The following UBE2E2 variants were observed in gnomAD, a reference collection of about 807,000 sequenced individuals.
The protein encoded by UBE2E2 is ubiquitin conjugating enzyme E2 E2.
Under a neutral mutation model 24.7 loss-of-function variants are expected in UBE2E2, and 6 were observed. The observed-to-expected ratio is 0.24, with a 90% CI of 0.13 to 0.48. The LOEUF is 0.48. Among genes scored for constraint, UBE2E2 ranks in the 20% least tolerant of loss-of-function variants. The pLI is 0.99. For missense variants in UBE2E2, 169 were observed against 245.0 expected, an observed-to-expected ratio of 0.69 and a Z score of 2.07; for synonymous variants, 104 against 83.6, an observed-to-expected ratio of 1.24 and a Z score of -1.33.
At chr3:23,314,533 T>TA (rs1215331604) in intron 3 of UBE2E2, among the ~76,000 whole-genome samples, 1 of 152,228 alleles carries the variant, frequency 6.6e-6, no homozygotes, top group Non-Finnish European at 1.5e-5. Flanking sequence ...TCTGTGTACT[T>TA]ACTATTACCA....
intron 3 of UBE2E2, among the ~76,000 whole-genome samples, chr3:23,229,493 C>T (rs1696918943): frequency 6.6e-6 from 1 of 152,046 alleles, no homozygotes. Flanking sequence ...CATTCTTATG[C>T]TTTTGAGTTG....
rs75720037 is a variant in UBE2E2 at position 23,239,353 on chromosome 3, G to A, written c.227+22041G>A. 6.6e-5 allele frequency among the ~76,000 whole-genome samples: 10 copies of A among 152,150 alleles called. No homozygotes were observed. In the East Asian group the frequency reaches 1.7e-3, roughly 26 times the overall value. On this transcript the variant is annotated intron_variant, in intron 3 of 5. Transcript: ENST00000396703. ...CAGTAGTTTCTAGTGTACTCACAAC[G>A]TTGTGCAACTGTCACTGTCATTACT...
Position 23,466,550 on chromosome 3 carries a change from GTTTTGTTTTTGT to G in UBE2E2, c.228-33041_228-33030del, listed in dbSNP as rs143269925. On this transcript the variant is annotated intron_variant, in intron 3 of 5. Transcript: ENST00000396703. ...AAAATAAGGAGTAGTCCCAGAGTCT[GTTTTGTTTTTGT>G]TTTTGTTTTTGTTTTTTGTTTTTGA... 2.5e-3 allele frequency among the ~76,000 whole-genome samples: 386 copies of G among 151,610 alleles called. 27 individuals are homozygous for G. In the South Asian group the frequency reaches 0.073, roughly 29 times the overall value.
At chr3:23,403,823 A>T (rs1697288684) in intron 3 of UBE2E2, among the ~76,000 whole-genome samples, 1 of 152,060 alleles carries the variant, frequency 6.6e-6, no homozygotes, top group African/African-American at 2.4e-5. Context: ...AAAAAAAAAA[A>T]AAAGCCATTG....
intron 5 of UBE2E2, among the ~76,000 whole-genome samples, chr3:23,557,749 T>A (rs1043441539): frequency 6.6e-6 from 1 of 152,206 alleles, no homozygotes; most frequent in African/African-American, 2.4e-5. Context: ...TTAACTTACT[T>A]TTTCAAATAT....
intron 3 of UBE2E2, among the ~76,000 whole-genome samples, chr3:23,434,898 A>C (rs1698149088): frequency 6.6e-6 from 1 of 152,244 alleles, no homozygotes; most frequent in African/African-American, 2.4e-5. Context: ...GCTCATTAAA[A>C]AGACCTTTAT....
At chr3:23,258,939 G>GA (rs1388240581) in intron 3 of UBE2E2, among the ~76,000 whole-genome samples, 1 of 148,574 alleles carries the variant, frequency 6.7e-6, no homozygotes, top group Non-Finnish European at 1.5e-5. Context: ...CTAACCCCAG[G>GA]AAAGGAGAAG....
intron 5 of UBE2E2, among the ~76,000 whole-genome samples, chr3:23,577,695 T>G (rs1157826176): frequency 6.6e-6 from 1 of 152,162 alleles, no homozygotes; most frequent in Admixed American, 6.5e-5. Context: ...TTAAACAGAT[T>G]TTCATTGTAG....
intron 3 of UBE2E2, among the ~76,000 whole-genome samples, chr3:23,350,994 G>A (rs1429664164): frequency 5.3e-5 from 8 of 152,080 alleles, no homozygotes; most frequent in Admixed American, 3.9e-4. Flanking sequence ...GAGAAAGGTC[G>A]GGTTACCCAC....
intron 3 of UBE2E2, among the ~76,000 whole-genome samples, chr3:23,347,090 TAAG>T (rs1695577236): frequency 6.6e-6 from 1 of 152,218 alleles, no homozygotes; most frequent in South Asian, 2.1e-4. Context: ...TTTCTGCTGT[TAAG>T]AATAGTCCAT....
intron 3 of UBE2E2, among the ~76,000 whole-genome samples, chr3:23,322,448 G>T (rs546248546): frequency 1.1e-4 from 17 of 152,190 alleles, no homozygotes; most frequent in Middle Eastern, 3.4e-3. Context: ...CTGTTTTTTG[G>T]ACAGAATCCC....
chr3:23,584,462 T>G (rs1417128895), intron 5 of UBE2E2, among the ~76,000 whole-genome samples: 1 of 152,052 alleles, frequency 6.6e-6, no homozygotes, highest in Non-Finnish European at 1.5e-5. Context: ...AGAGGCAAGG[T>G]GGGAGTTGTC....
intron 3 of UBE2E2, among the ~76,000 whole-genome samples, chr3:23,312,969 C>G (rs1026287308): frequency 8.5e-5 from 13 of 152,104 alleles, no homozygotes; most frequent in African/African-American, 3.1e-4. Context: ...GATACTATTT[C>G]TTTTTTGGTG....
At chr3:23,327,822 TGTTGTCTAGGA>T (rs1445265023) in intron 3 of UBE2E2, among the ~76,000 whole-genome samples, 2 of 152,192 alleles carry the variant, frequency 1.3e-5, no homozygotes, top group Non-Finnish European at 2.9e-5. Context: ...TAGGAGTTGG[TGTTGTCTAGGA>T]GTTTGTGAAG....
intron 3 of UBE2E2, among the ~76,000 whole-genome samples, chr3:23,334,637 CAAG>C (rs1695156641): frequency 6.6e-6 from 1 of 152,032 alleles, no homozygotes; most frequent in Non-Finnish European, 1.5e-5. Context: ...AGAATGCAAA[CAAG>C]AAAATAATAG....
At chr3:23,520,793 C>G (rs1261883412) in intron 4 of UBE2E2, among the ~76,000 whole-genome samples, 3 of 152,164 alleles carry the variant, frequency 2.0e-5, no homozygotes, top group Non-Finnish European at 4.4e-5. Flanking sequence ...CAGGCACACA[C>G]AACCATGCCT....
intron 3 of UBE2E2, among the ~76,000 whole-genome samples, chr3:23,336,209 A>C (rs977535887): frequency 1.3e-5 from 2 of 152,212 alleles, no homozygotes; most frequent in Non-Finnish European, 2.9e-5. Context: ...ATGCAAGGAA[A>C]TAATAATTGT....
intron 3 of UBE2E2, among the ~76,000 whole-genome samples, chr3:23,254,944 A>G (rs1479917572): frequency 6.6e-6 from 1 of 152,064 alleles, no homozygotes; most frequent in Non-Finnish European, 1.5e-5. Flanking sequence ...GTTAGTAAGC[A>G]TATGGCCATG....
intron 3 of UBE2E2, among the ~76,000 whole-genome samples, chr3:23,469,557 C>T (rs1358811627): frequency 6.6e-6 from 1 of 152,148 alleles, no homozygotes; most frequent in African/African-American, 2.4e-5. Flanking sequence ...CCAGTAAGAA[C>T]CTCCCTATAT....
Sources: gnomAD v4.1 joint callset for allele counts (sites outside exome capture counted in the v4.1 genomes callset) on GRCh38, gnomAD v4.1.1 for gene constraint, MANE v1.5 for transcripts, NCBI Gene and HGNC (gene_info 2026-07-23, HGNC 2026-07-21) for gene names.